RABGAP1L: variants seen among roughly 807,000 people sequenced by gnomAD.
RABGAP1L encodes the protein rab GTPase-activating protein 1-like.
In RABGAP1L, 63 loss-of-function variants were observed where a neutral mutation model predicts 137.7. The observed-to-expected ratio is 0.46, with a 90% CI of 0.37 to 0.56. The LOEUF (loss-of-function observed/expected upper bound fraction) is 0.56. Ranked by LOEUF, RABGAP1L falls within the 20% of genes least tolerant of loss-of-function variation. The pLI, the probability that RABGAP1L is intolerant of heterozygous loss-of-function variation, is 0.00. For missense variants in RABGAP1L, 1,095 were observed against 1,244.0 expected (o/e 0.88, Z 1.80); for synonymous variants, 431 against 433.7 (o/e 0.99, Z 0.08).
chr1:174,259,737 A>G (rs1426265031), intron 7 of RABGAP1L, among the ~76,000 whole-genome samples: 6 of 152,254 alleles, frequency 3.9e-5, no homozygotes, highest in Admixed American at 1.3e-4. Context: ...TGGATATAAA[A>G]GAGCAATAAT....
At chr1:174,383,479 A>G (rs1186725925) in intron 12 of RABGAP1L, among the ~76,000 whole-genome samples, 2 of 152,082 alleles carry the variant, frequency 1.3e-5, no homozygotes, top group Admixed American at 6.5e-5. Context: ...CAGGTGTGGG[A>G]TATAATCTCG....
intron 18 of RABGAP1L, among the ~76,000 whole-genome samples, chr1:174,790,753 A>G (rs535378654): frequency 2.3e-4 from 35 of 150,690 alleles, no homozygotes; most frequent in Non-Finnish European, 4.7e-4. Context: ...TGCTGCATCT[A>G]TTTGAAGCCA....
chr1:174,309,263 G>T (rs538153236), intron 11 of RABGAP1L, among the ~76,000 whole-genome samples: 1 of 152,150 alleles, frequency 6.6e-6, no homozygotes, highest in South Asian at 2.1e-4. Context: ...TTTCGATGGA[G>T]TGTTTAGGGT....
At chr1:174,829,347 A>G (rs11802150) in intron 19 of RABGAP1L, among the ~76,000 whole-genome samples, 2,124 of 148,286 alleles carry the variant, frequency 0.014, 215 homozygotes, top group Non-Finnish European at 0.02. Flanking sequence ...TAAAAAGTGA[A>G]ATCTGTCTGA....
chr1:174,746,389 C>G (rs1683866722), intron 17 of RABGAP1L, among the ~76,000 whole-genome samples: 1 of 152,190 alleles, frequency 6.6e-6, no homozygotes, highest in South Asian at 2.1e-4. Flanking sequence ...AATCTGTTGT[C>G]ATTAGAGGAA....
intron 11 of RABGAP1L, among the ~76,000 whole-genome samples, chr1:174,333,772 G>A (rs914333336): frequency 3.9e-5 from 6 of 152,214 alleles, no homozygotes; most frequent in Admixed American, 3.9e-4. Flanking sequence ...TGCTGTTGAT[G>A]CTAGGGAAGG....
rs1031558385 is a variant in RABGAP1L, at chr1:174,454,282, C to T, written c.1710+60137C>T. 2.6e-5 allele frequency among the ~76,000 whole-genome samples: 4 copies of T among 151,754 alleles called. No individual in the cohort carries two copies. The East Asian group carries it at 5.8e-4, about 22-fold the overall frequency. On this transcript the variant is annotated intron_variant, in intron 13 of 25. Coordinates refer to ENST00000681986, the MANE Select transcript of RABGAP1L (RefSeq NM_001366446.1). ...ATTTCAAAAAAAAAGAAGAAGAATG[C>T]GGAATATTTAAAAAATATTTTAACA...
In RABGAP1L at chr1:174,840,044, C is replaced by G. The variant is rs558416661; in HGVS notation, c.2340+28084C>G. On this transcript the variant is annotated intron_variant, in intron 19 of 25. Coordinates refer to ENST00000681986, the MANE Select transcript of RABGAP1L (RefSeq NM_001366446.1). ...AACTAAGGAAAGCTGAACTATTATA[C>G]TATATTAGATAGGCCATTCACATTT... Among the ~76,000 whole-genome samples the G allele has an allele frequency of 5.9e-5, 9 of 152,168 alleles. No individual in the cohort carries two copies. In the South Asian group the frequency reaches 1.9e-3, roughly 32 times the overall value.
intron 13 of RABGAP1L, among the ~76,000 whole-genome samples, chr1:174,544,552 T>C (rs1665823213): frequency 6.6e-6 from 1 of 152,216 alleles, no homozygotes; most frequent in South Asian, 2.1e-4. Flanking sequence ...CATCGTCCTT[T>C]AGCTCGGATA....
In RABGAP1L at chr1:174,250,587, G is replaced by C; in HGVS notation, c.830G>C (p.Ser277Thr). The C allele has an allele frequency of 6.2e-7, 1 of 1,613,922 alleles. No homozygotes were observed. Reference sequence around the variant, plus strand: ...CCCGACAGTGATGTGTTTACCTTCAGTGTCTCCTTGGAGGTAAAAGAAGAC... The same window carrying C: ...CCCGACAGTGATGTGTTTACCTTCACTGTCTCCTTGGAGGTAAAAGAAGAC... Reference protein sequence around the residue: ...PTPDSDVFTFSVSLEVKEDDG... With the variant: ...PTPDSDVFTFTVSLEVKEDDG... The change falls in exon 6 of 26, where the codon AGT (serine) becomes ACT (threonine). Residue 277 changes from serine to threonine, a missense_variant. Transcript: ENST00000681986.
chr1:174,171,285 A>G (rs1004669976), intron 1 of RABGAP1L, among the ~76,000 whole-genome samples: 51 of 152,310 alleles, frequency 3.3e-4, no homozygotes, highest in Non-Finnish European at 4.3e-4. Flanking sequence ...ATCATCAATA[A>G]TCACCATTCT....
At position 174,624,695 on chromosome 1, in the gene RABGAP1L, G is replaced by T. The variant is rs918653153; in HGVS notation, c.1711-12680G>T. Among the ~76,000 whole-genome samples, 4 of 152,070 alleles carry T rather than the reference G, an allele frequency of 2.6e-5. No individual in the cohort carries two copies. The South Asian group carries it at 8.3e-4, about 32-fold the overall frequency. On this transcript the variant is annotated intron_variant, in intron 13 of 25. Coordinates refer to ENST00000681986, the MANE Select transcript of RABGAP1L (RefSeq NM_001366446.1). ...CTGGAAACATAAAGGTCAGAAAAAT[G>T]ATGGAAAATGGTAAGAGAAGTATTG... is the stretch of plus-strand genomic sequence containing the variant.
At chr1:174,497,387 T>C (rs976210475) in intron 13 of RABGAP1L, among the ~76,000 whole-genome samples, 1 of 152,228 alleles carries the variant, frequency 6.6e-6, no homozygotes, top group Non-Finnish European at 1.5e-5. Context: ...GTTAAGGAAC[T>C]TCCATGTATA....
At chr1:174,675,921 A>C (rs370389407) in intron 14 of RABGAP1L, among the ~76,000 whole-genome samples, 1 of 152,208 alleles carries the variant, frequency 6.6e-6, no homozygotes, top group Non-Finnish European at 1.5e-5. Context: ...TTCATATGTA[A>C]CAAAAACCTT....
At chr1:174,532,573 A>G (rs886555245) in intron 13 of RABGAP1L, among the ~76,000 whole-genome samples, 4 of 152,194 alleles carry the variant, frequency 2.6e-5, no homozygotes, top group Admixed American at 2.6e-4. Context: ...GGGAAGATTC[A>G]TAAAACTGGG....
rs369629028 is a variant in RABGAP1L at position 174,974,440 on chromosome 1, T to C, written c.2545-1638T>C. Reference sequence around the variant, plus strand: ...TCCATGGTTTATTTATTTTTCTCTTTTTGTTTTCTTTTAAAATGCCGTACT... The same window carrying C: ...TCCATGGTTTATTTATTTTTCTCTTCTTGTTTTCTTTTAAAATGCCGTACT... On this transcript the variant is annotated intron_variant, in intron 21 of 25. Coordinates refer to ENST00000681986, the MANE Select transcript of RABGAP1L (RefSeq NM_001366446.1). 1.4e-4 allele frequency among the ~76,000 whole-genome samples: 21 copies of C among 152,300 alleles called. No individual in the cohort carries two copies. The East Asian group carries it at 3.5e-3, about 25-fold the overall frequency.
chr1:174,533,643 A>T (rs914070545), intron 13 of RABGAP1L, among the ~76,000 whole-genome samples: 1 of 152,168 alleles, frequency 6.6e-6, no homozygotes, highest in African/African-American at 2.4e-5. Flanking sequence ...TATATAATAC[A>T]TATAACATAC....
intron 11 of RABGAP1L, among the ~76,000 whole-genome samples, chr1:174,316,495 G>A (rs910486433): frequency 2.4e-4 from 36 of 152,182 alleles, no homozygotes; most frequent in Non-Finnish European, 1.2e-4. Context: ...ACTCATAGAG[G>A]TACTGCCTTG....
intron 10 of RABGAP1L, among the ~76,000 whole-genome samples, chr1:174,281,257 C>G (rs1571900457): frequency 6.6e-6 from 1 of 152,130 alleles, no homozygotes; most frequent in Non-Finnish European, 1.5e-5. Context: ...AGCCTGCGCC[C>G]TGCTGATTGG....
Sources: gnomAD v4.1 joint callset for allele counts (sites outside exome capture counted in the v4.1 genomes callset) on GRCh38, gnomAD v4.1.1 for gene constraint, MANE v1.5 for transcripts, NCBI Gene and HGNC (gene_info 2026-07-23, HGNC 2026-07-21) for gene names.